TRIM24: variants seen among roughly 807,000 people sequenced by gnomAD.
TRIM24 encodes transcription intermediary factor 1-alpha.
In TRIM24, 29 loss-of-function variants were observed where a neutral mutation model predicts 123.9. The observed-to-expected ratio is 0.23, with a 90% confidence interval of 0.17 to 0.32. The LOEUF is 0.32. Ranked by LOEUF, TRIM24 falls within the 10% of genes least tolerant of loss-of-function variation. The pLI is 1.00. For synonymous variants in TRIM24, 456 were observed against 461.1 expected (o/e 0.99, Z 0.14); for missense variants, 932 against 1,295.3 (o/e 0.72, Z 4.31).
chr7:138,557,919 G>C (rs896882516), intron 9 of TRIM24, among the ~76,000 whole-genome samples: 8 of 150,748 alleles, frequency 5.3e-5, no homozygotes, highest in African/African-American at 1.9e-4. Flanking sequence ...CCGCCCAGGT[G>C]GCTGACCCAT....
chr7:138,576,220 A>ACAGCAGTACAGCAGT, intron 12 of TRIM24, among the ~76,000 whole-genome samples, 153 bp from the exon 13 acceptor site: 2 of 152,364 alleles, frequency 1.3e-5, no homozygotes, highest in Admixed American at 1.3e-4. Context: ...AACAGGCTGT[A>ACAGCAGTACAGCAGT]ACAGACTGCT....
intron 8 of TRIM24, among the ~76,000 whole-genome samples, chr7:138,552,082 C>T (rs532092689): frequency 3.3e-5 from 5 of 152,006 alleles, no homozygotes; most frequent in East Asian, 1.9e-4. Context: ...TACTTACCAT[C>T]GTTTACAGTT....
chr7:138,577,061 AC>A lies in TRIM24; in HGVS notation c.2088-357del, dbSNP rs373576587. 3.7e-3 allele frequency among the ~76,000 whole-genome samples: 560 copies of A among 152,326 alleles called. 4 individuals carry two copies. The highest frequency in any genetic ancestry group is 0.013 in the African/African-American group (533 of 41,572). ...AATACATGATTATTTCATTGTCTTC[AC>A]CAAAGTATTCACTTTGCTACTGACT... On this transcript the variant is annotated intron_variant, in intron 13 of 18. Coordinates refer to ENST00000343526, the MANE Select transcript of TRIM24 (RefSeq NM_015905.3).
intron 4 of TRIM24, among the ~76,000 whole-genome samples, chr7:138,522,365 TACC>T (rs943790403): frequency 2.0e-5 from 3 of 151,904 alleles, no homozygotes; most frequent in African/African-American, 7.3e-5. Flanking sequence ...TAAGATTGAA[TACC>T]ACAATTAACA....
At chr7:138,522,226 C>A (rs183160152) in intron 4 of TRIM24, among the ~76,000 whole-genome samples, 34 of 152,086 alleles carry the variant, frequency 2.2e-4, no homozygotes, top group South Asian at 8.3e-4. Flanking sequence ...ATCCCAGCTA[C>A]TCGGGAGGCT....
chr7:138,554,641 T>G lies in TRIM24; in HGVS notation c.1262-57T>G. ...TCTGCAAAAATAGCTTTAGAAAATG[T>G]GATATTTCACCAACTATCTGAAAAA... On this transcript the variant is annotated intron_variant, in intron 8 of 18. Transcript: ENST00000343526. The surrounding 1 kb of genome is among the most constrained non-coding windows in gnomAD (Gnocchi z 4.5). 1 of 1,553,512 alleles carries G rather than the reference T, an allele frequency of 6.4e-7. No individual in the cohort carries two copies. The highest frequency in any genetic ancestry group is 8.7e-7 in the Non-Finnish European group (1 of 1,144,122).
intron 1 of TRIM24, among the ~76,000 whole-genome samples, chr7:138,474,332 A>G (rs929713942): frequency 1.4e-4 from 21 of 151,250 alleles, no homozygotes; most frequent in Non-Finnish European, 2.7e-4. Context: ...TCACCATGTT[A>G]GCCAGGATGG....
rs577317171 is a variant in TRIM24 at position 138,466,463 on chromosome 7, C to CTTTTT, written c.364+5565_364+5569dup. ...TTTGCAAATTTCAAAACTTAAGTTGCTTTTTTTTTTTTTTTTTTGGAGACA... is the reference window on the plus strand; with the variant it reads ...TTTGCAAATTTCAAAACTTAAGTTGCTTTTTTTTTTTTTTTTTTTTTTTGGAGACA... On this transcript the variant is annotated intron_variant, in intron 1 of 18. Transcript: ENST00000343526. Among the ~76,000 whole-genome samples, 12 of 74,056 alleles carry CTTTTT rather than the reference C, an allele frequency of 1.6e-4. 1 individual carries two copies. Among genetic ancestry groups the CTTTTT allele is most frequent in the African/African-American group, 5.5e-4 (10 of 18,072 alleles). 48.6% of individuals were successfully genotyped at this position (74,056 alleles called of 152,430 possible).
Position 138,585,754 on chromosome 7 carries a change from A to G in TRIM24, c.*803A>G, listed in dbSNP as rs1358768592. 18 of 517,788 alleles carry G rather than the reference A, an allele frequency of 3.5e-5. No individual in the cohort carries two copies. Among genetic ancestry groups the G allele is most frequent in the Non-Finnish European group, 5.4e-5 (14 of 260,538 alleles). 32.1% of individuals were successfully genotyped at this position (517,788 alleles called of 1,614,324 possible). ...GTGTGTCTATGTGAGGTTTAATTGT[A>G]CAGGTGATCCTTTTACAACAAGCCT... is the stretch of plus-strand genomic sequence containing the variant. On this transcript the variant is annotated 3_prime_UTR_variant, in exon 19 of 19. Coordinates refer to ENST00000343526, the MANE Select transcript of TRIM24 (RefSeq NM_015905.3).
chr7:138,582,719 CAAA>C (rs148007418), intron 17 of TRIM24, among the ~76,000 whole-genome samples: 1 of 149,820 alleles, frequency 6.7e-6, no homozygotes, highest in Non-Finnish European at 1.5e-5. Context: ...AACTCTGTCC[CAAA>C]AAAAAAATTT....
chr7:138,533,223 T>G (rs1796786127), intron 6 of TRIM24, among the ~76,000 whole-genome samples: 1 of 152,232 alleles, frequency 6.6e-6, no homozygotes, highest in Non-Finnish European at 1.5e-5. Flanking sequence ...CTTGCCTGAT[T>G]GCCCTGGCCA....
At chr7:138,495,524 T>C (rs1358252742) in intron 1 of TRIM24, among the ~76,000 whole-genome samples, 1 of 152,120 alleles carries the variant, frequency 6.6e-6, no homozygotes, top group Non-Finnish European at 1.5e-5. Context: ...TACTTTTGTC[T>C]TTTTTCATGA....
At chr7:138,477,743 A>G (rs761601122) in intron 1 of TRIM24, among the ~76,000 whole-genome samples, 17 of 152,322 alleles carry the variant, frequency 1.1e-4, no homozygotes, top group Non-Finnish European at 1.6e-4. Flanking sequence ...TGGTAATATC[A>G]TTAGGCATAG....
intron 9 of TRIM24, among the ~76,000 whole-genome samples, chr7:138,557,434 C>T (rs917044679): frequency 1.3e-5 from 2 of 152,146 alleles, no homozygotes; most frequent in Non-Finnish European, 2.9e-5. Context: ...TGCCTGGTTA[C>T]AAGAGTCTCT....
At chr7:138,485,958 A>G (rs1282935243) in intron 1 of TRIM24, among the ~76,000 whole-genome samples, 2 of 152,216 alleles carry the variant, frequency 1.3e-5, no homozygotes, top group Non-Finnish European at 2.9e-5. Context: ...TCCCACCAAC[A>G]GTGTAAAAGT....
intron 3 of TRIM24, among the ~76,000 whole-genome samples, chr7:138,516,368 T>C (rs911092200): frequency 2.6e-5 from 4 of 152,128 alleles, no homozygotes; most frequent in African/African-American, 9.7e-5. Flanking sequence ...TCTAACCTAT[T>C]TTCTTTTTGT....
At chr7:138,473,456 C>T (rs1048146948) in intron 1 of TRIM24, among the ~76,000 whole-genome samples, 1 of 152,138 alleles carries the variant, frequency 6.6e-6, no homozygotes, top group Non-Finnish European at 1.5e-5. Flanking sequence ...TAGTGTTGGC[C>T]TTGATCACTT....
At chr7:138,460,989 C>T (rs780032233) in intron 1 of TRIM24, 77 bp downstream of exon 1, 5 of 1,294,148 alleles carry the variant, frequency 3.9e-6, no homozygotes, top group East Asian at 3.2e-5. Context: ...CGGCGCGACC[C>T]GCTGTCATGT....
intron 10 of TRIM24, among the ~76,000 whole-genome samples, chr7:138,568,379 C>CTTGTTTT (rs1797580086): frequency 1.5e-5 from 1 of 68,682 alleles, no homozygotes; most frequent in Non-Finnish European, 2.5e-5. Context: ...ACCTGGCCTC[C>CTTGTTTT]TTTTTTTTTT....
Sources: allele counts gnomAD v4.1 joint callset (sites outside exome capture counted in the v4.1 genomes callset), GRCh38; gene constraint gnomAD v4.1.1; non-coding constraint Gnocchi (gnomAD v3.1); transcripts MANE v1.5; gene names NCBI Gene and HGNC (gene_info 2026-07-23, HGNC 2026-07-21).